RFXANK: variants seen among roughly 807,000 people sequenced by gnomAD.
RFXANK encodes the protein DNA-binding protein RFXANK.
A neutral mutation model predicts 34.5 loss-of-function variants in RFXANK; 19 were observed. That is an observed-to-expected ratio of 0.55 (90% CI 0.38 to 0.81). The LOEUF (loss-of-function observed/expected upper bound fraction) is 0.81, where lower values mean the gene tolerates loss of function less well. RFXANK is among the 30% of genes least tolerant of loss of function. RFXANK has a pLI of 0.00. For synonymous variants in RFXANK, 154 were observed against 149.8 expected (o/e 1.03, Z -0.20); for missense variants, 295 against 343.5 (o/e 0.86, Z 1.12).
At chr19:19,193,895 G>C in intron 2 of RFXANK, 44 bp from the exon 3 acceptor site, 2 of 1,604,108 alleles carry the variant, frequency 1.2e-6, no homozygotes, top group Non-Finnish European at 1.7e-6. Flanking sequence ...TATTATAACT[G>C]TTGATAATTA....
chr19:19,197,291 G>A (rs776366294), intron 5 of RFXANK, 40 bp downstream of exon 5: 15 of 1,601,000 alleles, frequency 9.4e-6, no homozygotes, highest in Admixed American at 8.3e-5. Flanking sequence ...TCTGCACCTG[G>A]CTGGTGTGTG....
intron 5 of RFXANK, 57 bp downstream of exon 5, chr19:19,197,308 GGT>G: frequency 2.6e-6 from 4 of 1,560,582 alleles, no homozygotes; most frequent in Non-Finnish European, 3.5e-6. Flanking sequence ...TGTGCATATG[GGT>G]GTCCATACCC....
At position 19,192,451 on chromosome 19, in the gene RFXANK, C is replaced by A; in HGVS notation, c.-253C>A. 2.5e-6 allele frequency: 1 copy of A among 401,790 alleles called. No individual in the cohort carries two copies. Among genetic ancestry groups the A allele is most frequent in the Non-Finnish European group, 4.6e-6 (1 of 219,232 alleles). The allele number at this position is 401,790 out of a possible 1,614,324, so 24.9% of individuals were successfully genotyped here. On this transcript the variant is annotated 5_prime_UTR_variant, in exon 1 of 10. Transcript: ENST00000303088. Reference sequence around the variant, plus strand: ...TTGGGGGAGTCCTCCACGCATTACCCACTCGGGCCGCAAAAACTCCCTTCT... The same window carrying A: ...TTGGGGGAGTCCTCCACGCATTACCAACTCGGGCCGCAAAAACTCCCTTCT...
chr19:19,193,389 G>A (rs1425769587), intron 2 of RFXANK, among the ~76,000 whole-genome samples: 3 of 150,288 alleles, frequency 2.0e-5, no homozygotes, highest in East Asian at 3.9e-4. Context: ...GCTGACCCCA[G>A]AGCCCCGGCT....
At position 19,192,564 on chromosome 19, in the gene RFXANK, C is replaced by T. The variant is rs906814146; in HGVS notation, c.-150+10C>T. ...GAACGGGACGGCCAAGGTACGCTGCCCCTTTAAGTTCCAGACGCCCCGCGT... is the reference window on the plus strand; with the variant it reads ...GAACGGGACGGCCAAGGTACGCTGCTCCTTTAAGTTCCAGACGCCCCGCGT... On this transcript the variant is annotated intron_variant, in intron 1 of 9. Coordinates refer to ENST00000303088, the MANE Select transcript of RFXANK (RefSeq NM_003721.4). 5.8e-6 allele frequency: 1 copy of T among 171,964 alleles called. No individual in the cohort carries two copies. The highest frequency in any genetic ancestry group is 1.2e-5 in the Non-Finnish European group (1 of 80,046). 10.7% of individuals were successfully genotyped at this position (171,964 alleles called of 1,614,324 possible).
intron 5 of RFXANK, 106 bp downstream of exon 5, chr19:19,197,357 T>G (rs1461282773): frequency 1.6e-6 from 2 of 1,284,508 alleles, no homozygotes; most frequent in Admixed American, 3.7e-5. Context: ...ACGTGTATGA[T>G]TGTATCTAAC....
chr19:19,194,154 T>C (rs753974644), intron 3 of RFXANK, 21 bp downstream of exon 3: 14 of 1,611,980 alleles, frequency 8.7e-6, no homozygotes, highest in Non-Finnish European at 1.2e-5. Context: ...TCCTCTGGGA[T>C]TAGCCCTCTG....
intron 9 of RFXANK, 55 bp downstream of exon 9, chr19:19,199,289 C>T: frequency 2.0e-5 from 31 of 1,538,998 alleles, no homozygotes; most frequent in Non-Finnish European, 2.8e-5. Context: ...GCAGGGTGAC[C>T]ATAAAGGGGT....
At chr19:19,201,209 G>C (rs1433581900) in intron 9 of RFXANK, among the ~76,000 whole-genome samples, 1 of 152,182 alleles carries the variant, frequency 6.6e-6, no homozygotes, top group Non-Finnish European at 1.5e-5. Flanking sequence ...CAAAGTGCTA[G>C]GATTACAGGT....
intron 3 of RFXANK, among the ~76,000 whole-genome samples, chr19:19,195,737 A>ATTTT (rs61553021): frequency 5.7e-5 from 6 of 105,684 alleles, no homozygotes; most frequent in Non-Finnish European, 7.4e-5. Flanking sequence ...CTGCTTTTAA[A>ATTTT]TTTTTTTTTT....
At chr19:19,195,944 G>A (rs2060592464) in intron 3 of RFXANK, among the ~76,000 whole-genome samples, 1 of 151,396 alleles carries the variant, frequency 6.6e-6, no homozygotes, top group Non-Finnish European at 1.5e-5. Flanking sequence ...ATTTCACCAT[G>A]TTAGTCAGGC....
intron 3 of RFXANK, among the ~76,000 whole-genome samples, chr19:19,195,553 C>T (rs1383428628): frequency 1.3e-5 from 2 of 151,820 alleles, no homozygotes; most frequent in Non-Finnish European, 2.9e-5. Context: ...GATTGCCCGC[C>T]TCGGCCTCCC....
intron 9 of RFXANK, among the ~76,000 whole-genome samples, chr19:19,200,598 C>T (rs1028175564): frequency 1.6e-4 from 25 of 151,858 alleles, no homozygotes; most frequent in Non-Finnish European, 3.4e-4. Flanking sequence ...AGGCATGTAC[C>T]ACTCTACCCA....
In RFXANK at chr19:19,199,230, G is replaced by T. The variant is rs781614267; in HGVS notation, c.708G>T (p.Arg236=). 6.1e-5 allele frequency: 98 copies of T among 1,614,010 alleles called. No individual in the cohort carries two copies. Among genetic ancestry groups the T allele is most frequent in the Non-Finnish European group, 8.1e-5 (96 of 1,180,024 alleles). ...PMDLAVALGY[R]KVQQVIENHI... ...ACCTTGCCGTGGCCCTGGGATACCG[G>T]AAAGGTCAGCCTGAGACACACAGAG... is the stretch of plus-strand genomic sequence containing the variant. Residue 236 remains arginine, a synonymous_variant, in exon 9 of 10, where the codon CGG becomes CGT. Transcript: ENST00000303088.
Position 19,192,385 on chromosome 19 carries a change from A to T in RFXANK, c.-319A>T. The T allele has an allele frequency of 1.9e-6, 1 of 539,800 alleles. No individual in the cohort carries two copies. Among genetic ancestry groups the T allele is most frequent in the Non-Finnish European group, 3.3e-6 (1 of 302,662 alleles). 33.4% of individuals were successfully genotyped at this position (539,800 alleles called of 1,614,324 possible). ...ACACCCAGGCAGGAGAGGGGGAAGA[A>T]CTCTCTCCCTTTCTGAACCCCCTTT... On this transcript the variant is annotated 5_prime_UTR_variant, in exon 1 of 10. Coordinates refer to ENST00000303088, the MANE Select transcript of RFXANK (RefSeq NM_003721.4).
At chr19:19,194,220 T>G in intron 3 of RFXANK, 87 bp downstream of exon 3, 1 of 1,441,762 alleles carries the variant, frequency 6.9e-7, no homozygotes, top group Non-Finnish European at 9.7e-7. Flanking sequence ...CTTGCTTTCG[T>G]TTTTGTTTTG....
chr19:19,193,412 C>CTTTTTTTTTTT (rs71338310), intron 2 of RFXANK, among the ~76,000 whole-genome samples: 2 of 94,834 alleles, frequency 2.1e-5, no homozygotes, highest in Admixed American at 1.3e-4. Flanking sequence ...TTTTTCCTTT[C>CTTTTTTTTTTT]TTTTTTTTTT....
At chr19:19,199,119 C>T in intron 8 of RFXANK, 35 bp from the exon 9 acceptor site, 1 of 1,600,678 alleles carries the variant, frequency 6.2e-7, no homozygotes, top group Non-Finnish European at 8.5e-7. Flanking sequence ...GACTCCCAGG[C>T]CCCACCCTCC....
intron 7 of RFXANK, 47 bp from the exon 8 acceptor site, chr19:19,198,610 T>C (rs776013421): frequency 1.0e-5 from 16 of 1,602,028 alleles, no homozygotes; most frequent in Non-Finnish European, 1.3e-5. Flanking sequence ...ATTTTGAGAA[T>C]GAGGAAGAGG....
Sources: allele counts gnomAD v4.1 joint callset (sites outside exome capture counted in the v4.1 genomes callset), GRCh38; gene constraint gnomAD v4.1.1; transcripts MANE v1.5; gene names NCBI Gene and HGNC (gene_info 2026-07-23, HGNC 2026-07-21).